Variants in EXPH5 observed in about 807,000 individuals in gnomAD.
EXPH5 encodes the protein exophilin-5.
In EXPH5, 42 loss-of-function variants were observed where a neutral mutation model predicts 41.1. The ratio of observed to expected loss-of-function variants is 1.02; its 90% CI spans 0.80 to 1.32. The LOEUF (loss-of-function observed/expected upper bound fraction) is 1.32, where lower values mean the gene tolerates loss of function less well. Among genes scored for constraint, EXPH5 ranks in the 40% most tolerant of loss-of-function variants. The probability of loss-of-function intolerance (pLI) is 0.00; values close to 1 mark genes in which losing one functional copy is unlikely to be tolerated. For missense variants in EXPH5, 2,298 were observed against 2,314.5 expected, an observed-to-expected ratio of 0.99 and a Z score of 0.15; for synonymous variants, 798 against 833.5, an observed-to-expected ratio of 0.96 and a Z score of 0.73.
intron 3 of EXPH5, among the ~76,000 whole-genome samples, chr11:108,531,854 T>A (rs114653653): frequency 2.6e-4 from 39 of 152,276 alleles, no homozygotes; most frequent in African/African-American, 9.4e-4. Flanking sequence ...ATCCTGTTGA[T>A]TCAAACTCAG....
Position 108,532,894 on chromosome 11 carries a change from C to T in EXPH5, c.444-4710G>A, listed in dbSNP as rs866486015. 5.3e-5 allele frequency among the ~76,000 whole-genome samples: 8 copies of T among 152,182 alleles called. 1 individual carries two copies. The highest frequency in any genetic ancestry group is 2.1e-4 in the South Asian group (1 of 4,826). ...ACTTTGTCTGTATGTGCTCCCGCAG[C>T]GTATGGAGTTTCCCCATCTTAGCAT... On this transcript the variant is annotated intron_variant, in intron 3 of 5. Coordinates refer to ENST00000265843, the MANE Select transcript of EXPH5 (RefSeq NM_015065.3).
chr11:108,513,445 T>A lies in EXPH5; in HGVS notation c.2062A>T (p.Ser688Cys). The A allele has an allele frequency of 6.2e-7, 1 of 1,613,430 alleles. No homozygotes were observed. The highest frequency in any genetic ancestry group is 1.7e-5 in the Admixed American group (1 of 59,940). The change falls in exon 6 of 6, where the codon AGC becomes TGC. Residue 688 changes from serine to cysteine, a missense_variant. Coordinates refer to ENST00000265843, the MANE Select transcript of EXPH5 (RefSeq NM_015065.3). ...NSVDSLPLAK[S>C]QPNILVTEVN... ...TCTGTGACCAAGATATTGGGCTGGC[T>A]TTTGGCAAGAGGCAGAGAGTCAACT...
intron 1 of EXPH5, among the ~76,000 whole-genome samples, chr11:108,550,185 C>T (rs1045299330): frequency 2.0e-5 from 3 of 152,164 alleles, no homozygotes; most frequent in African/African-American, 4.8e-5. Flanking sequence ...CTTCTGAGTC[C>T]AGGCCTCAAT....
rs1186693632 is a variant in EXPH5 at position 108,514,651 on chromosome 11, T to A, written c.856A>T (p.Thr286Ser). 6.2e-7 allele frequency: 1 copy of A among 1,604,762 alleles called. No homozygotes were observed. Among genetic ancestry groups the A allele is most frequent in the African/African-American group, 1.3e-5 (1 of 74,392 alleles). ...RPGTPREGFK[T>S]FSPRTSTIYD... ...ATTGTGCTTGTCCTAGGAGAAAAGGTTTTAAAACCTTCCCTAGGAGTTCCT... is the reference window on the plus strand; with the variant it reads ...ATTGTGCTTGTCCTAGGAGAAAAGGATTTAAAACCTTCCCTAGGAGTTCCT... The change falls in exon 6 of 6, where the codon ACC becomes TCC. Residue 286 changes from threonine (T) to serine (S), a missense_variant. Transcript: ENST00000265843.
intron 1 of EXPH5, among the ~76,000 whole-genome samples, chr11:108,576,976 A>G (rs1177304551): frequency 6.6e-6 from 1 of 152,182 alleles, no homozygotes; most frequent in Non-Finnish European, 1.5e-5. Flanking sequence ...GAGTGAGAAT[A>G]TGTGATATTT....
chr11:108,558,777 T>A (rs2094000127), intron 1 of EXPH5, among the ~76,000 whole-genome samples: 2 of 152,182 alleles, frequency 1.3e-5, no homozygotes, highest in Non-Finnish European at 2.9e-5. Flanking sequence ...ACTGTAAACA[T>A]ATATTGTTTC....
rs762817010 is a variant in EXPH5 at position 108,522,368 on chromosome 11, G to T, written c.493-3995C>A. Among the ~76,000 whole-genome samples the T allele has an allele frequency of 1.4e-4, 21 of 152,036 alleles. 1 individual carries two copies. The highest frequency in any genetic ancestry group is 2.9e-4 in the Non-Finnish European group (20 of 68,000). ...GATTATTCTAGGCAATGTGTTAAGG[G>T]CTTTATGTGGGTTACTTTAGTTCAT... On this transcript the variant is annotated intron_variant, in intron 4 of 5. Transcript: ENST00000265843.
upstream of EXPH5, chr11:108,593,859 G>T: frequency 1.1e-6 from 1 of 886,414 alleles, no homozygotes; most frequent in Non-Finnish European, 1.7e-6. Context: ...GTCTCGTCCC[G>T]TCCCTCGTCC....
chr11:108,570,496 TTTCCTG>T (rs2094055485), intron 1 of EXPH5, among the ~76,000 whole-genome samples: 1 of 152,028 alleles, frequency 6.6e-6, no homozygotes, highest in African/African-American at 2.4e-5. Context: ...CTTAAGTGAT[TTTCCTG>T]CCTCAGCCTC....
At chr11:108,601,879 G>A in the EXPH5 span, among the ~76,000 whole-genome samples, 1 of 152,028 alleles carries the variant, frequency 6.6e-6, no homozygotes, top group African/African-American at 2.4e-5. Flanking sequence ...CTCCCACGTC[G>A]CTGGGTCTAC....
At chr11:108,607,391 A>G in the EXPH5 span, among the ~76,000 whole-genome samples, 1 of 152,226 alleles carries the variant, frequency 6.6e-6, no homozygotes, top group East Asian at 1.9e-4. Context: ...TACTCATTCA[A>G]TGTAAAAATA....
intron 1 of EXPH5, among the ~76,000 whole-genome samples, chr11:108,548,766 T>G (rs2093950683): frequency 6.6e-6 from 1 of 152,212 alleles, no homozygotes; most frequent in Non-Finnish European, 1.5e-5. Flanking sequence ...AATGGTTAAC[T>G]GAGCTTCTGG....
intron 1 of EXPH5, among the ~76,000 whole-genome samples, chr11:108,591,942 C>T (rs2094128486): frequency 6.6e-6 from 1 of 152,234 alleles, no homozygotes; most frequent in South Asian, 2.1e-4. Context: ...GAAGCCCCAT[C>T]CTCTTCAGAG....
At chr11:108,537,888 A>C (rs2093889339) in intron 3 of EXPH5, 1 of 714,312 alleles carries the variant, frequency 1.4e-6, no homozygotes, top group Non-Finnish European at 1.7e-6. Context: ...GGCAAGAAAC[A>C]CTTCTCAATT....
chr11:108,541,981 G>A (rs931105077), intron 1 of EXPH5, among the ~76,000 whole-genome samples, 169 bp from the exon 2 acceptor site: 7 of 152,048 alleles, frequency 4.6e-5, no homozygotes, highest in Admixed American at 3.9e-4. Context: ...GGGCTCAAGC[G>A]ATCCTCCCAC....
rs2136097281 is a variant in EXPH5 at position 108,569,682 on chromosome 11, G to A, written c.119+23736C>T. On this transcript the variant is annotated intron_variant, in intron 1 of 5. Transcript: ENST00000265843. Reference sequence around the variant, plus strand: ...ACCCACCTCCTTCACGGCATTGAAAGCTTACAAAGAACATTTGTATATCTC... The same window carrying A: ...ACCCACCTCCTTCACGGCATTGAAAACTTACAAAGAACATTTGTATATCTC... Among the ~76,000 whole-genome samples, 10 of 152,310 alleles carry A rather than the reference G, an allele frequency of 6.6e-5. No homozygotes were observed. The South Asian group carries it at 2.1e-3, about 32-fold the overall frequency.
Position 108,577,170 on chromosome 11 carries a change from T to C in EXPH5, c.119+16248A>G, listed in dbSNP as rs2094082591. 1.3e-5 allele frequency among the ~76,000 whole-genome samples: 2 copies of C among 152,208 alleles called. 1 individual carries two copies. Among genetic ancestry groups the C allele is most frequent in the South Asian group, 4.1e-4 (2 of 4,826 alleles). The stretch of plus-strand genomic sequence containing the variant: ...TCATGAACATGTAGGTTGATCTGTA[T>C]CCTGGCTATTGTGAATAGTGCTGCA... On this transcript the variant is annotated intron_variant, in intron 1 of 5. Transcript: ENST00000265843.
Position 108,513,027 on chromosome 11 carries a change from T to G in EXPH5, c.2480A>C (p.Gln827Pro). ...TACAGTTAATTCCTGGTGACAACCT[T>G]GGTCTGTCCTGGGGAAAGATGGTGG... is the stretch of plus-strand genomic sequence containing the variant. ...RTPPSFPRTDQGCHQELTVNN... is the reference protein window; with the variant it reads ...RTPPSFPRTDPGCHQELTVNN... The change falls in exon 6 of 6, where the codon CAA becomes CCA. Residue 827 changes from glutamine (Q) to proline (P), a missense_variant. Coordinates refer to ENST00000265843, the MANE Select transcript of EXPH5 (RefSeq NM_015065.3). 1 of 1,614,028 alleles carries G rather than the reference T, an allele frequency of 6.2e-7. No homozygotes were observed. The highest frequency in any genetic ancestry group is 8.5e-7 in the Non-Finnish European group (1 of 1,179,990).
At chr11:108,534,283 C>T (rs1591705668) in intron 3 of EXPH5, among the ~76,000 whole-genome samples, 1 of 152,132 alleles carries the variant, frequency 6.6e-6, no homozygotes, top group Non-Finnish European at 1.5e-5. Context: ...GATGAACTGG[C>T]TTTGGGTGAT....
Sources: gnomAD v4.1 joint callset for allele counts (sites outside exome capture counted in the v4.1 genomes callset) on GRCh38, gnomAD v4.1.1 for gene constraint, MANE v1.5 for transcripts, NCBI Gene and HGNC (gene_info 2026-07-23, HGNC 2026-07-21) for gene names.